FGF5: variants seen among roughly 807,000 people sequenced by gnomAD.
The protein encoded by FGF5 is fibroblast growth factor 5, also known as heparin-binding growth factor 5.
FGF5 carries 23 observed loss-of-function variants against 21.8 expected under a neutral mutation model. That is an observed-to-expected ratio of 1.05 (90% CI 0.76 to 1.49). The LOEUF (loss-of-function observed/expected upper bound fraction) is 1.49. Ranked by LOEUF, FGF5 falls within the 40% of genes most tolerant of loss-of-function variation. The pLI is 0.00. For missense variants in FGF5, 352 were observed against 332.9 expected (o/e 1.06, Z -0.45); for synonymous variants, 158 against 124.0 (o/e 1.27, Z -1.82).
Position 80,277,480 on chromosome 4 carries a change from T to A in FGF5, c.459+2468T>A, listed in dbSNP as rs896801366. ...TATAAAGTGATTTATTTTTTAAAGA[T>A]GTTGAATTTAGAAATAGTATTAATG... On this transcript the variant is annotated intron_variant, in intron 2 of 2. Coordinates refer to ENST00000312465, the MANE Select transcript of FGF5 (RefSeq NM_004464.4). Among the ~76,000 whole-genome samples, 4 of 152,182 alleles carry A rather than the reference T, an allele frequency of 2.6e-5. No homozygotes were observed. The East Asian group carries it at 7.7e-4, about 29-fold the overall frequency.
At chr4:80,278,620 G>A (rs888215386) in intron 2 of FGF5, among the ~76,000 whole-genome samples, 3 of 152,194 alleles carry the variant, frequency 2.0e-5, no homozygotes, top group African/African-American at 7.2e-5. Flanking sequence ...GGGTAGGCCA[G>A]AGCAGATTCA....
intron 2 of FGF5, among the ~76,000 whole-genome samples, chr4:80,278,295 CTT>C (rs1720470206): frequency 6.6e-6 from 1 of 152,038 alleles, no homozygotes. Context: ...CAATTTAAGA[CTT>C]ATAGTTAAAA....
chr4:80,287,792 T>C lies in FGF5; in HGVS notation c.*1120T>C, dbSNP rs1283868667. On this transcript the variant is annotated 3_prime_UTR_variant, in exon 3 of 3. Transcript: ENST00000312465. The stretch of plus-strand genomic sequence containing the variant: ...AGTCCCATTGTCAGAAATATTCTTA[T>C]TACTCAGTCAAACACTCTTTGAGCT... 1 of 152,162 alleles carries C rather than the reference T, an allele frequency of 6.6e-6. No individual in the cohort carries two copies. Among genetic ancestry groups the C allele is most frequent in the Non-Finnish European group, 1.5e-5 (1 of 68,012 alleles). 9.4% of individuals were successfully genotyped at this position (152,162 alleles called of 1,614,324 possible).
intron 2 of FGF5, among the ~76,000 whole-genome samples, chr4:80,277,715 T>C (rs990584636): frequency 5.3e-5 from 8 of 152,112 alleles, no homozygotes; most frequent in African/African-American, 1.4e-4. Context: ...TGCTTTAAAC[T>C]AAAAATTTTG....
Position 80,286,926 on chromosome 4 carries a change from G to A in FGF5, c.*254G>A. The stretch of plus-strand genomic sequence containing the variant: ...AAAGCCTTTTGCTTTATGCTTGAGG[G>A]ATATTTAGAACTTTGTATTTTCGGA... On this transcript the variant is annotated 3_prime_UTR_variant, in exon 3 of 3. Transcript: ENST00000312465. 5.4e-6 allele frequency: 2 copies of A among 367,582 alleles called. No homozygotes were observed. The highest frequency in any genetic ancestry group is 4.9e-6 in the Non-Finnish European group (1 of 203,492). The allele number at this position is 367,582 out of a possible 1,614,324, so 22.8% of individuals were successfully genotyped here.
Position 80,285,090 on chromosome 4 carries a change from C to A in FGF5, c.460-1235C>A, listed in dbSNP as rs35405555. Among the ~76,000 whole-genome samples, 622 of 152,122 alleles carry A rather than the reference C, an allele frequency of 4.1e-3. 7 individuals carry two copies. The highest frequency in any genetic ancestry group is 0.014 in the African/African-American group (593 of 41,484). On this transcript the variant is annotated intron_variant, in intron 2 of 2. Coordinates refer to ENST00000312465, the MANE Select transcript of FGF5 (RefSeq NM_004464.4). Reference sequence around the variant, plus strand: ...TCCTCCTTTGGATTCTCATAACAGCCCTATTGTTGTAAGTGTTATGGATAA... The same window carrying A: ...TCCTCCTTTGGATTCTCATAACAGCACTATTGTTGTAAGTGTTATGGATAA...
intron 2 of FGF5, among the ~76,000 whole-genome samples, chr4:80,278,056 T>A (rs865879326): frequency 3.9e-5 from 6 of 152,282 alleles, no homozygotes; most frequent in Non-Finnish European, 7.4e-5. Context: ...CAGAACTATA[T>A]CCTCCTAGAA....
At position 80,266,920 on chromosome 4, in the gene FGF5, C is replaced by T. The variant is rs1033505418; in HGVS notation, c.96C>T (p.Pro32=). Reference sequence around the variant, plus strand: ...AGCGTCTCGCCCCCAAAGGGCAACCCGGACCCGCTGCCACTGATAGGAACC... The same window carrying T: ...AGCGTCTCGCCCCCAAAGGGCAACCTGGACCCGCTGCCACTGATAGGAACC... ...GEKRLAPKGQ[P]GPAATDRNPR... Residue 32 remains proline, a synonymous_variant, in exon 1 of 3, where the codon CCC becomes CCT. Coordinates refer to ENST00000312465, the MANE Select transcript of FGF5 (RefSeq NM_004464.4). The T allele has an allele frequency of 3.7e-6, 6 of 1,614,092 alleles. No homozygotes were observed. The highest frequency in any genetic ancestry group is 4.2e-6 in the Non-Finnish European group (5 of 1,179,970).
At chr4:80,283,217 AG>A (rs1720606438) in intron 2 of FGF5, among the ~76,000 whole-genome samples, 2 of 152,204 alleles carry the variant, frequency 1.3e-5, no homozygotes, top group Non-Finnish European at 2.9e-5. Context: ...GTATTAATGT[AG>A]AATGTAGGAT....
Position 80,267,069 on chromosome 4 carries a change from G to C in FGF5, c.245G>C (p.Ser82Thr), listed in dbSNP as rs751410422. 6.2e-7 allele frequency: 1 copy of C among 1,614,236 alleles called. No homozygotes were observed. The highest frequency in any genetic ancestry group is 2.2e-5 in the East Asian group (1 of 44,888). ...TTGGAGCAGAGCAGTTTCCAGTGGA[G>C]CCCCTCGGGGCGCCGGACCGGCAGC... ...SGLEQSSFQW[S>T]PSGRRTGSLY... is the part of the protein sequence containing the mutation. The change falls in exon 1 of 3, where the codon AGC becomes ACC. Residue 82 changes from serine (S) to threonine (T), a missense_variant. Transcript: ENST00000312465.
At chr4:80,282,206 C>A (rs764075863) in intron 2 of FGF5, among the ~76,000 whole-genome samples, 7 of 152,178 alleles carry the variant, frequency 4.6e-5, no homozygotes, top group Non-Finnish European at 7.3e-5. Flanking sequence ...AAAAGATCCA[C>A]CCGCCTTGGC....
intron 2 of FGF5, among the ~76,000 whole-genome samples, chr4:80,276,590 T>G (rs908745349): frequency 2.6e-5 from 4 of 151,890 alleles, no homozygotes; most frequent in African/African-American, 9.7e-5. Flanking sequence ...TAGGTGCACC[T>G]ATCACCCCAG....
Position 80,275,007 on chromosome 4 carries a change from G to T in FGF5, c.454G>T (p.Ala152Ser). ...GATGTCAAAAAAAGGAAAACTCCAT[G>T]CAAGTGTAAGTAGAACCACTTTATA... The part of the protein sequence containing the change: ...LAMSKKGKLH[A>S]SAKFTDDCKF... Residue 152 changes from alanine to serine, a missense_variant, in exon 2 of 3, where the codon GCA becomes TCA. By Grantham distance (99) the Ala-to-Ser change is moderately conservative. Coordinates refer to ENST00000312465, the MANE Select transcript of FGF5 (RefSeq NM_004464.4). 1 of 1,449,434 alleles carries T rather than the reference G, an allele frequency of 6.9e-7. No homozygotes were observed. The highest frequency in any genetic ancestry group is 1.2e-5 in the South Asian group (1 of 84,784). 89.8% of individuals were successfully genotyped at this position (1,449,434 alleles called of 1,614,324 possible).
intron 2 of FGF5, among the ~76,000 whole-genome samples, chr4:80,276,137 GTTA>G (rs2109922471): frequency 6.6e-6 from 1 of 152,074 alleles, no homozygotes; most frequent in South Asian, 2.1e-4. Context: ...AATTTCTATA[GTTA>G]TTTGAGGATT....
At chr4:80,277,983 C>T (rs6815328) in intron 2 of FGF5, among the ~76,000 whole-genome samples, 2,081 of 152,020 alleles carry the variant, frequency 0.014, 46 homozygotes, top group African/African-American at 0.048. Context: ...AATGAGGTGA[C>T]GAAAGAGTCT....
chr4:80,274,193 C>T (rs1720347644), intron 1 of FGF5, among the ~76,000 whole-genome samples: 1 of 151,982 alleles, frequency 6.6e-6, no homozygotes, highest in South Asian at 2.1e-4. Context: ...CTTCATAATG[C>T]TAACTATAAA....
In FGF5 at chr4:80,290,741, A is replaced by T. The variant is rs1218990239; in HGVS notation, c.*4069A>T. ...ATGTGATGTTCCCCTTCGTGTGTCC[A>T]TGTGTTCTTATTGTTCAATTCCCAC... On this transcript the variant is annotated 3_prime_UTR_variant, in exon 3 of 3. Coordinates refer to ENST00000312465, the MANE Select transcript of FGF5 (RefSeq NM_004464.4). The T allele has an allele frequency of 1.3e-5, 2 of 151,594 alleles. No homozygotes were observed. The allele number at this position is 151,594 out of a possible 1,614,324, so 9.4% of individuals were successfully genotyped here.
In FGF5 at chr4:80,288,031, T is replaced by G. The variant is rs972414875; in HGVS notation, c.*1359T>G. The G allele has an allele frequency of 4.6e-5, 7 of 152,084 alleles. 1 individual carries two copies. Among genetic ancestry groups the G allele is most frequent in the Admixed American group, 3.9e-4 (6 of 15,252 alleles). The allele number at this position is 152,084 out of a possible 1,614,324, so 9.4% of individuals were successfully genotyped here. On this transcript the variant is annotated 3_prime_UTR_variant, in exon 3 of 3. Transcript: ENST00000312465. Reference sequence around the variant, plus strand: ...AAAATTTACAAAATTTATTCTCAGGTAATCATTTTAATAAAGTTCTGCAAA... The same window carrying G: ...AAAATTTACAAAATTTATTCTCAGGGAATCATTTTAATAAAGTTCTGCAAA...
intron 2 of FGF5, among the ~76,000 whole-genome samples, chr4:80,281,643 G>C (rs995670268): frequency 1.3e-5 from 2 of 152,134 alleles, no homozygotes; most frequent in Non-Finnish European, 2.9e-5. Flanking sequence ...GCACGCAAGA[G>C]TCGGTATTTG....
Sources: allele counts gnomAD v4.1 joint callset (sites outside exome capture counted in the v4.1 genomes callset), GRCh38; gene constraint gnomAD v4.1.1; transcripts MANE v1.5; gene names NCBI Gene and HGNC (gene_info 2026-07-23, HGNC 2026-07-21).